EIF3E: variants seen among roughly 807,000 people sequenced by gnomAD.
The protein encoded by EIF3E is eukaryotic translation initiation factor 3 subunit E, also known as eIF-3 p48.
In EIF3E, 25 loss-of-function variants were observed where a neutral mutation model predicts 59.3. The observed-to-expected ratio is 0.42, with a 90% CI of 0.31 to 0.59. EIF3E has a LOEUF of 0.59. Among genes scored for constraint, EIF3E ranks in the 20% least tolerant of loss-of-function variants. EIF3E has a pLI of 0.15. For synonymous variants in EIF3E, 176 were observed against 170.2 expected (o/e 1.03, Z -0.26); for missense variants, 317 against 534.3 (o/e 0.59, Z 4.01).
intron 10 of EIF3E, among the ~76,000 whole-genome samples, chr8:108,206,040 ATTCCT>A (rs1392033780): frequency 6.6e-6 from 1 of 152,076 alleles, no homozygotes; most frequent in Non-Finnish European, 1.5e-5. Context: ...TTATTTCCAA[ATTCCT>A]TTCAACACTT....
chr8:108,218,608 A>T (rs924577924), intron 7 of EIF3E, among the ~76,000 whole-genome samples: 6 of 152,274 alleles, frequency 3.9e-5, no homozygotes, highest in African/African-American at 1.2e-4. Context: ...ACACTGGCTA[A>T]ATTACATCAT....
At chr8:108,216,540 T>TA in intron 8 of EIF3E, 27 bp from the exon 9 acceptor site, 1 of 1,483,032 alleles carries the variant, frequency 6.7e-7, no homozygotes. Context: ...ACGGTCAAGG[T>TA]AAGTCTGATT....
intron 10 of EIF3E, among the ~76,000 whole-genome samples, chr8:108,206,207 A>G (rs547691278): frequency 2.9e-4 from 44 of 152,162 alleles, no homozygotes; most frequent in Admixed American, 2.8e-3. Flanking sequence ...GCCTTTACAG[A>G]GTTTAAGTCA....
In EIF3E at chr8:108,238,230, GCT is replaced by G. The variant is rs535048556; in HGVS notation, c.323+1726_323+1727del. 4.2e-3 allele frequency among the ~76,000 whole-genome samples: 637 copies of G among 152,204 alleles called. 4 individuals carry two copies. Among genetic ancestry groups the G allele is most frequent in the African/African-American group, 0.014 (601 of 41,520 alleles). Reference sequence around the variant, plus strand: ...TAAAAGTAGTTTAGTATAATATATAGCTCTGTCTATGCGCATGATGTGTGTAT... The same window carrying G: ...TAAAAGTAGTTTAGTATAATATATAGCTGTCTATGCGCATGATGTGTGTAT... On this transcript the variant is annotated intron_variant, in intron 3 of 12. Transcript: ENST00000220849.
At chr8:108,244,072 AATACT>A (rs1420182398) in intron 1 of EIF3E, among the ~76,000 whole-genome samples, 1 of 152,242 alleles carries the variant, frequency 6.6e-6, no homozygotes, top group Non-Finnish European at 1.5e-5. Context: ...AACAATTGAA[AATACT>A]ATATAAGTAC....
intron 10 of EIF3E, among the ~76,000 whole-genome samples, chr8:108,212,344 C>T (rs891656865): frequency 2.6e-5 from 4 of 152,160 alleles, no homozygotes; most frequent in Non-Finnish European, 2.9e-5. Context: ...TGTGAGCCAT[C>T]TATGAAGTAT....
chr8:108,224,944 C>T (rs1200963229), intron 7 of EIF3E, among the ~76,000 whole-genome samples: 1 of 151,460 alleles, frequency 6.6e-6, no homozygotes, highest in Non-Finnish European at 1.5e-5. Flanking sequence ...AATCACGTAG[C>T]CCAAATTAAT....
At chr8:108,228,533 A>T in intron 6 of EIF3E, 142 bp from the exon 7 acceptor site, 1 of 526,082 alleles carries the variant, frequency 1.9e-6, no homozygotes, top group Non-Finnish European at 3.0e-6. Context: ...TCAATGTCCG[A>T]CCCCCTATGC....
intron 5 of EIF3E, chr8:108,233,600 G>T: frequency 6.1e-6 from 2 of 328,172 alleles, no homozygotes; most frequent in South Asian, 4.6e-5. Context: ...CCAAAGCATT[G>T]AAAGGCTGAG....
At chr8:108,243,789 A>G (rs2594358) in intron 1 of EIF3E, among the ~76,000 whole-genome samples, 87,645 of 151,200 alleles carry the variant, frequency 0.58, 25,383 homozygotes, top group Middle Eastern at 0.61. Context: ...AATGAACGTC[A>G]TATCTGATAA....
At chr8:108,233,994 G>C (rs1203586015) in intron 5 of EIF3E, among the ~76,000 whole-genome samples, 1 of 142,754 alleles carries the variant, frequency 7.0e-6, no homozygotes, top group Non-Finnish European at 1.5e-5. Context: ...CTAAACAGAA[G>C]ACAGAGTGAG....
At chr8:108,239,923 A>T (rs1472518277) in intron 3 of EIF3E, 35 bp downstream of exon 3, 1 of 1,492,232 alleles carries the variant, frequency 6.7e-7, no homozygotes, top group East Asian at 2.3e-5. Flanking sequence ...TCCAGAAAGG[A>T]GAATTTTTAG....
intron 7 of EIF3E, among the ~76,000 whole-genome samples, chr8:108,220,864 G>C (rs1277728109): frequency 6.6e-6 from 1 of 152,158 alleles, no homozygotes; most frequent in Admixed American, 6.5e-5. Context: ...GCTGATAAAA[G>C]TACTACACAT....
chr8:108,216,050 C>T (rs1045162328), intron 9 of EIF3E, among the ~76,000 whole-genome samples: 7 of 152,030 alleles, frequency 4.6e-5, no homozygotes, highest in African/African-American at 1.4e-4. Context: ...AGTGACCTTG[C>T]CTGTACATAT....
intron 5 of EIF3E, chr8:108,231,712 C>A (rs1815624722): frequency 6.6e-6 from 1 of 152,050 alleles, no homozygotes. Flanking sequence ...CAAAAGTGTT[C>A]AAAAATTCCC....
rs1216272838 is a variant in EIF3E, at chr8:108,201,732, T to C, written c.*153A>G. ...CACAAACTTGCACATGCAAGAAAAC[T>C]GACAGCAAGATAAAATGAATCAATT... On this transcript the variant is annotated 3_prime_UTR_variant, in exon 13 of 13. Transcript: ENST00000220849. 6 of 653,234 alleles carry C rather than the reference T, an allele frequency of 9.2e-6. No homozygotes were observed. Among genetic ancestry groups the C allele is most frequent in the Non-Finnish European group, 1.4e-5 (6 of 437,760 alleles). The allele number at this position is 653,234 out of a possible 1,614,324, so 40.5% of individuals were successfully genotyped here.
intron 7 of EIF3E, among the ~76,000 whole-genome samples, chr8:108,226,813 C>T (rs1249088562): frequency 6.6e-6 from 1 of 152,104 alleles, no homozygotes; most frequent in Admixed American, 6.6e-5. Context: ...AAAGCAAAAC[C>T]CCCCATGATT....
chr8:108,202,028 T>G, intron 12 of EIF3E, 105 bp from the exon 13 acceptor site: 2 of 1,047,404 alleles, frequency 1.9e-6, no homozygotes, highest in East Asian at 2.9e-5. Context: ...CTATAGTCTC[T>G]TGCCAAACCA....
In EIF3E at chr8:108,224,869, A is replaced by G. The variant is rs1346308796; in HGVS notation, c.722+3398T>C. Among the ~76,000 whole-genome samples the G allele has an allele frequency of 2.6e-5, 4 of 151,736 alleles. 1 individual carries two copies. The South Asian group carries it at 6.2e-4, about 24-fold the overall frequency. On this transcript the variant is annotated intron_variant, in intron 7 of 12. Transcript: ENST00000220849. ...GCATCAAACTATACTAGCAGTCCCT[A>G]TATTTTTCACCACCACACTTTTGCA...
Sources: gnomAD v4.1 joint callset for allele counts (sites outside exome capture counted in the v4.1 genomes callset) on GRCh38, gnomAD v4.1.1 for gene constraint, MANE v1.5 for transcripts, NCBI Gene and HGNC (gene_info 2026-07-23, HGNC 2026-07-21) for gene names.